Variants in CACNA1D observed in about 807,000 individuals in gnomAD.
CACNA1D encodes the protein voltage-dependent L-type calcium channel subunit alpha-1D.
Under a neutral mutation model 257.1 loss-of-function variants are expected in CACNA1D, and 55 were observed. That is an observed-to-expected ratio of 0.21 (90% CI 0.17 to 0.27). The LOEUF is 0.27. Ranked by LOEUF, CACNA1D falls within the 10% of genes least tolerant of loss-of-function variation. The pLI, the probability that CACNA1D is intolerant of heterozygous loss-of-function variation, is 1.00. For synonymous variants in CACNA1D, 980 were observed against 1,014.9 expected, an observed-to-expected ratio of 0.97 and a Z score of 0.65; for missense variants, 1,876 against 2,784.0, an observed-to-expected ratio of 0.67 and a Z score of 7.34.
In CACNA1D at chr3:53,551,975, G is replaced by T. The variant is rs531623859; in HGVS notation, c.483+50255G>T. Among the ~76,000 whole-genome samples the T allele has an allele frequency of 4.6e-5, 7 of 152,266 alleles. No homozygotes were observed. The East Asian group carries it at 1.4e-3, about 29-fold the overall frequency. On this transcript the variant is annotated intron_variant, in intron 3 of 47. Coordinates refer to ENST00000350061, the MANE Select transcript of CACNA1D (RefSeq NM_001128840.3). ...GGGGCTATAGTTTGAGTACTAGGTG[G>T]TATTTTCAGTCTTGTCTTTGCCCTG...
chr3:53,706,759 TCA>T (rs2094694092), intron 9 of CACNA1D, among the ~76,000 whole-genome samples: 1 of 152,166 alleles, frequency 6.6e-6, no homozygotes, highest in South Asian at 2.1e-4. Flanking sequence ...TTCTCATCCC[TCA>T]TGCCTCTTCC....
chr3:53,726,780 G>C, intron 14 of CACNA1D, 99 bp from the exon 15 acceptor site: 1 of 1,474,970 alleles, frequency 6.8e-7, no homozygotes, highest in Non-Finnish European at 9.5e-7. Flanking sequence ...GACTGTGAAA[G>C]GCAGCTTAAA....
rs1278821177 is a variant in CACNA1D at position 53,812,727 on chromosome 3, T to C, written c.*1321T>C. The C allele has an allele frequency of 6.6e-6, 1 of 152,374 alleles. No individual in the cohort carries two copies. Among genetic ancestry groups the C allele is most frequent in the East Asian group, 1.9e-4 (1 of 5,182 alleles). The allele number at this position is 152,374 out of a possible 1,614,324, so 9.4% of individuals were successfully genotyped here. A position where few individuals can be genotyped will look rare whatever the true frequency, so the allele number is the denominator to read the frequency against. The stretch of plus-strand genomic sequence containing the variant: ...TGCAGAAATGCATAGGTGGATGAGA[T>C]ATAGCTGCTCTTGTCCTCTGGGGAC... On this transcript the variant is annotated 3_prime_UTR_variant, in exon 48 of 48. Coordinates refer to ENST00000350061, the MANE Select transcript of CACNA1D (RefSeq NM_001128840.3).
intron 45 of CACNA1D, among the ~76,000 whole-genome samples, chr3:53,805,831 CCCT>C (rs1165921700): frequency 2.1e-5 from 3 of 141,584 alleles, no homozygotes; most frequent in Admixed American, 7.0e-5. Context: ...CCTCCATCTT[CCCT>C]CCTCCTCCAT....
chr3:53,589,480 G>A (rs944844307), intron 3 of CACNA1D, among the ~76,000 whole-genome samples: 1 of 152,168 alleles, frequency 6.6e-6, no homozygotes, highest in Admixed American at 6.5e-5. Flanking sequence ...ATGAATCAAG[G>A]TCGGCCTTGT....
At chr3:53,754,897 C>T (rs2095253106) in intron 29 of CACNA1D, among the ~76,000 whole-genome samples, 1 of 152,192 alleles carries the variant, frequency 6.6e-6, no homozygotes, top group Admixed American at 6.5e-5. Context: ...GAATTAATCT[C>T]TATGCAATCT....
chr3:53,674,895 C>T (rs1462390726), intron 8 of CACNA1D, among the ~76,000 whole-genome samples: 1 of 152,226 alleles, frequency 6.6e-6, no homozygotes, highest in Non-Finnish European at 1.5e-5. Flanking sequence ...AGTTTATCTC[C>T]TCCTCACTCA....
intron 8 of CACNA1D, among the ~76,000 whole-genome samples, chr3:53,677,394 C>T (rs567217124): frequency 6.6e-6 from 1 of 152,376 alleles, no homozygotes; most frequent in East Asian, 1.9e-4. Flanking sequence ...CAGCGACATC[C>T]TGTCTTGCCG....
intron 3 of CACNA1D, among the ~76,000 whole-genome samples, chr3:53,532,081 G>A (rs963688961): frequency 6.6e-6 from 1 of 152,204 alleles, no homozygotes; most frequent in South Asian, 2.1e-4. Flanking sequence ...GGAGGTGAGT[G>A]TCATCAGGCC....
intron 29 of CACNA1D, among the ~76,000 whole-genome samples, chr3:53,760,483 T>C (rs2095294831): frequency 6.6e-6 from 1 of 152,346 alleles, no homozygotes; most frequent in African/African-American, 2.4e-5. Context: ...TGAATTTTCA[T>C]TTCCAAAAAG....
intron 4 of CACNA1D, among the ~76,000 whole-genome samples, chr3:53,653,181 G>T (rs1348947958): frequency 1.3e-5 from 2 of 152,166 alleles, no homozygotes; most frequent in Non-Finnish European, 2.9e-5. Flanking sequence ...AACCTGGGAG[G>T]CAGGGGTTGC....
At chr3:53,694,403 G>A (rs1044892593) in intron 8 of CACNA1D, among the ~76,000 whole-genome samples, 2 of 152,216 alleles carry the variant, frequency 1.3e-5, no homozygotes, top group African/African-American at 2.4e-5. Context: ...GAGTGCAGTA[G>A]TGAGCAGAGC....
At chr3:53,738,765 A>C (rs765603738) in intron 20 of CACNA1D, among the ~76,000 whole-genome samples, 17 of 152,056 alleles carry the variant, frequency 1.1e-4, no homozygotes, top group Non-Finnish European at 2.4e-4. Context: ...TAGTTTAAAA[A>C]AGAGAGCGAG....
intron 19 of CACNA1D, 67 bp from the exon 20 acceptor site, chr3:53,735,307 A>G: frequency 6.7e-7 from 1 of 1,496,878 alleles, no homozygotes; most frequent in Non-Finnish European, 9.3e-7. Context: ...GTGGCCCCAC[A>G]CTCTTAAGGA....
rs554594498 is a variant in CACNA1D at position 53,793,535 on chromosome 3, C to A, written c.4923+6583C>A. The stretch of plus-strand genomic sequence containing the variant: ...GGCCCCAAGCGATTCAAGTGGGCGG[C>A]GTTTCCATGTGCCTTCTCCACGCTC... On this transcript the variant is annotated intron_variant, in intron 40 of 47. Coordinates refer to ENST00000350061, the MANE Select transcript of CACNA1D (RefSeq NM_001128840.3). This position sits in a 1 kb window ranked among gnomAD's most constrained non-coding sequence, Gnocchi z 4.1. 6.6e-6 allele frequency among the ~76,000 whole-genome samples: 1 copy of A among 152,206 alleles called. No homozygotes were observed. Among genetic ancestry groups the A allele is most frequent in the African/African-American group, 2.4e-5 (1 of 41,440 alleles).
chr3:53,690,530 C>T (rs2094509758), intron 8 of CACNA1D, among the ~76,000 whole-genome samples: 1 of 152,192 alleles, frequency 6.6e-6, no homozygotes, highest in Middle Eastern at 3.2e-3. Context: ...TCTCCGTCAG[C>T]CAAGTCTGGG....
intron 3 of CACNA1D, among the ~76,000 whole-genome samples, chr3:53,642,173 C>A (rs12630602): frequency 6.6e-6 from 1 of 152,170 alleles, no homozygotes; most frequent in Non-Finnish European, 1.5e-5. Flanking sequence ...TTCTGAGTTT[C>A]GCTGGCTGGC....
chr3:53,693,295 C>A (rs575089675), intron 8 of CACNA1D, among the ~76,000 whole-genome samples: 129 of 152,290 alleles, frequency 8.5e-4, no homozygotes, highest in Non-Finnish European at 1.7e-3. Flanking sequence ...CTCCCCACCC[C>A]ACTCTGCCTA....
intron 3 of CACNA1D, among the ~76,000 whole-genome samples, chr3:53,644,293 A>G (rs1451538403): frequency 7.9e-5 from 12 of 152,226 alleles, no homozygotes. Context: ...TAACATATCT[A>G]TTACCTCACA....
Sources: gnomAD v4.1 joint callset for allele counts (sites outside exome capture counted in the v4.1 genomes callset) on GRCh38, gnomAD v4.1.1 for gene constraint, Gnocchi (gnomAD v3.1) non-coding constraint, MANE v1.5 for transcripts, NCBI Gene and HGNC (gene_info 2026-07-23, HGNC 2026-07-21) for gene names.